Variants in CFAP299 observed in about 807,000 individuals in gnomAD.
CFAP299 encodes the protein cilia and flagella associated protein 299, also known as cilia- and flagella-associated protein 299.
In CFAP299, 21 loss-of-function variants were observed where a neutral mutation model predicts 27.0. That is an observed-to-expected ratio of 0.78 (90% CI 0.55 to 1.12). The LOEUF (loss-of-function observed/expected upper bound fraction) is 1.12. Ranked by LOEUF, CFAP299 falls within the 50% of genes most tolerant of loss-of-function variation. The probability of loss-of-function intolerance (pLI) is 0.00; values close to 1 mark genes in which losing one functional copy is unlikely to be tolerated. For synonymous variants in CFAP299, 104 were observed against 98.1 expected (o/e 1.06, Z -0.36); for missense variants, 310 against 276.6 (o/e 1.12, Z -0.86).
chr4:80,652,112 A>G (rs577247737), intron 3 of CFAP299, among the ~76,000 whole-genome samples: 12 of 152,182 alleles, frequency 7.9e-5, no homozygotes, highest in Non-Finnish European at 1.5e-4. Context: ...GAAGCTGACT[A>G]CAGGGGTGAC....
In CFAP299 at chr4:80,457,245, T is replaced by C. The variant is rs188211291; in HGVS notation, c.242+94361T>C. 4.0e-3 allele frequency among the ~76,000 whole-genome samples: 609 copies of C among 152,316 alleles called. 5 individuals are homozygous for C. Among genetic ancestry groups the C allele is most frequent in the South Asian group, 6.6e-3 (32 of 4,832 alleles). ...CGTTTTCCACAACAAAAAAATCATATGGGAAGTTGAATAAGTATCTTTGTT... is the reference window on the plus strand; with the variant it reads ...CGTTTTCCACAACAAAAAAATCATACGGGAAGTTGAATAAGTATCTTTGTT... On this transcript the variant is annotated intron_variant, in intron 2 of 5. Coordinates refer to ENST00000358105, the MANE Select transcript of CFAP299 (RefSeq NM_152770.3).
upstream of CFAP299, among the ~76,000 whole-genome samples, chr4:80,332,899 T>C (rs1430031538): frequency 6.6e-6 from 1 of 152,062 alleles, no homozygotes; most frequent in Non-Finnish European, 1.5e-5. Context: ...GAATTTTCAG[T>C]GAGGTTTTTG....
intron 5 of CFAP299, among the ~76,000 whole-genome samples, chr4:80,957,917 G>A (rs997289998): frequency 1.1e-4 from 16 of 152,064 alleles, no homozygotes; most frequent in African/African-American, 3.6e-4. Context: ...TCTCAAAAGT[G>A]TTATTTTACC....
intron 3 of CFAP299, among the ~76,000 whole-genome samples, chr4:80,807,150 A>T (rs1728905181): frequency 6.6e-6 from 1 of 152,284 alleles, no homozygotes; most frequent in Non-Finnish European, 1.5e-5. Context: ...TTTTCTTTGA[A>T]TATATAAACT....
chr4:80,786,183 A>G (rs1203841255), intron 3 of CFAP299, among the ~76,000 whole-genome samples: 1 of 152,056 alleles, frequency 6.6e-6, no homozygotes, highest in Non-Finnish European at 1.5e-5. Context: ...TGAGGGCTAT[A>G]GTTTTTGCAG....
chr4:80,476,942 T>TAC (rs1560584819), intron 2 of CFAP299, among the ~76,000 whole-genome samples: 1 of 136,352 alleles, frequency 7.3e-6, no homozygotes, highest in African/African-American at 3.2e-5. Flanking sequence ...TGTGTGTGTG[T>TAC]GCGTGTGTGT....
chr4:80,864,045 G>A (rs1272817882), intron 3 of CFAP299, among the ~76,000 whole-genome samples: 1 of 151,954 alleles, frequency 6.6e-6, no homozygotes, highest in Non-Finnish European at 1.5e-5. Context: ...AATGTCATAA[G>A]GGATCTCTTG....
intron 2 of CFAP299, among the ~76,000 whole-genome samples, chr4:80,520,359 T>C (rs1027336218): frequency 6.6e-6 from 1 of 152,238 alleles, no homozygotes; most frequent in Non-Finnish European, 1.5e-5. Context: ...AACTGGGTCT[T>C]GTTCTCTATC....
intron 3 of CFAP299, among the ~76,000 whole-genome samples, chr4:80,643,697 A>G (rs1376444733): frequency 6.6e-6 from 1 of 152,158 alleles, no homozygotes; most frequent in Non-Finnish European, 1.5e-5. Flanking sequence ...AGGGATTGGT[A>G]GATTTGACCA....
At chr4:80,477,978 CT>C (rs1730363462) in intron 2 of CFAP299, among the ~76,000 whole-genome samples, 1 of 152,130 alleles carries the variant, frequency 6.6e-6, no homozygotes, top group South Asian at 2.1e-4. Flanking sequence ...CAGTATGGAC[CT>C]TAGTGATTCT....
chr4:80,865,819 A>C (rs1196691735), intron 3 of CFAP299, among the ~76,000 whole-genome samples: 4 of 149,528 alleles, frequency 2.7e-5, no homozygotes, highest in African/African-American at 4.9e-5. Flanking sequence ...TATGGCAAGG[A>C]CAAAAAACCA....
intron 3 of CFAP299, among the ~76,000 whole-genome samples, chr4:80,633,567 T>A (rs1267356430): frequency 6.6e-6 from 1 of 152,198 alleles, no homozygotes; most frequent in Admixed American, 6.5e-5. Flanking sequence ...TAATTTGCCA[T>A]CTTAAGAGAC....
chr4:80,628,466 C>A (rs1042350715), intron 3 of CFAP299, among the ~76,000 whole-genome samples: 5 of 151,926 alleles, frequency 3.3e-5, no homozygotes, highest in African/African-American at 1.2e-4. Context: ...GCAACAAAAG[C>A]AAAAATTGAC....
chr4:80,705,719 G>A (rs1721780969), intron 3 of CFAP299, among the ~76,000 whole-genome samples: 1 of 151,856 alleles, frequency 6.6e-6, no homozygotes, highest in Non-Finnish European at 1.5e-5. Context: ...TTGCCTGAAT[G>A]CAATTTTTAA....
At chr4:80,329,542 T>C in the CFAP299 span, among the ~76,000 whole-genome samples, 3 of 152,168 alleles carry the variant, frequency 2.0e-5, no homozygotes, top group African/African-American at 7.2e-5. Context: ...GTAGGAAAGA[T>C]GGATCAAAAC....
intron 3 of CFAP299, among the ~76,000 whole-genome samples, chr4:80,757,495 A>T (rs1405025690): frequency 6.6e-6 from 1 of 152,180 alleles, no homozygotes; most frequent in Non-Finnish European, 1.5e-5. Context: ...CTGACAGCTA[A>T]CATGTTTATA....
At chr4:80,487,618 G>A (rs1451627138) in intron 2 of CFAP299, among the ~76,000 whole-genome samples, 1 of 152,134 alleles carries the variant, frequency 6.6e-6, no homozygotes, top group African/African-American at 2.4e-5. Flanking sequence ...TATTCAAGAG[G>A]TTTAGGGAGA....
intron 2 of CFAP299, among the ~76,000 whole-genome samples, chr4:80,461,135 G>C (rs1729418251): frequency 6.6e-6 from 1 of 152,114 alleles, no homozygotes; most frequent in Admixed American, 6.6e-5. Context: ...TTAATATAAG[G>C]GGGTGTGGAG....
At chr4:80,804,569 A>G (rs543493422) in intron 3 of CFAP299, among the ~76,000 whole-genome samples, 6 of 152,284 alleles carry the variant, frequency 3.9e-5, no homozygotes, top group East Asian at 1.9e-4. Context: ...TATTGTGAAT[A>G]ATGCTGCTAT....
Sources: allele counts gnomAD v4.1 joint callset (sites outside exome capture counted in the v4.1 genomes callset), GRCh38; gene constraint gnomAD v4.1.1; transcripts MANE v1.5; gene names NCBI Gene and HGNC (gene_info 2026-07-23, HGNC 2026-07-21).